HTRA3: variants seen among roughly 807,000 people sequenced by gnomAD.
HTRA3 encodes the protein HtrA serine peptidase 3.
HTRA3 carries 41 observed loss-of-function variants against 43.2 expected under a neutral mutation model. The observed-to-expected ratio is 0.95, with a 90% confidence interval of 0.74 to 1.23. HTRA3 has a LOEUF of 1.23. Among genes scored for constraint, HTRA3 ranks in the 50% most tolerant of loss-of-function variants. HTRA3 has a pLI of 0.00. For missense variants in HTRA3, 628 were observed against 647.1 expected, an observed-to-expected ratio of 0.97 and a Z score of 0.32; for synonymous variants, 295 against 287.9, an observed-to-expected ratio of 1.02 and a Z score of -0.25.
rs1196483645 is a variant in HTRA3 at position 8,292,284 on chromosome 4, G to C, written c.904-37G>C. The C allele has an allele frequency of 3.1e-6, 5 of 1,603,276 alleles. No homozygotes were observed. The African/African-American group carries it at 6.7e-5, about 21-fold the overall frequency. On this transcript the variant is annotated intron_variant, in intron 4 of 8. Transcript: ENST00000307358. ...AGGGGCTCCAGGAAGCCTCAGGCGGGGTCAGGCACAGCTAATGCTGTTTCC... is the reference window on the plus strand; with the variant it reads ...AGGGGCTCCAGGAAGCCTCAGGCGGCGTCAGGCACAGCTAATGCTGTTTCC...
chr4:8,295,914 C>G lies in HTRA3; in HGVS notation c.1051+1713C>G. 8.1e-7 allele frequency: 1 copy of G among 1,227,680 alleles called. No homozygotes were observed. The highest frequency in any genetic ancestry group is 1.0e-6 in the Non-Finnish European group (1 of 983,488). 76.0% of individuals were successfully genotyped at this position (1,227,680 alleles called of 1,614,324 possible). On this transcript the variant is annotated intron_variant, in intron 6 of 8. Transcript: ENST00000307358. The surrounding 1 kb of genome is among the most constrained non-coding windows in gnomAD (Gnocchi z 6.9). ...GCAGAGCCTGTCTTTCCCAAAGAAGCTGAAGTCTTCTTCTCTTGAACAGTG... is the reference window on the plus strand; with the variant it reads ...GCAGAGCCTGTCTTTCCCAAAGAAGGTGAAGTCTTCTTCTCTTGAACAGTG...
At position 8,295,148 on chromosome 4, in the gene HTRA3, C is replaced by T. The variant is rs1410645309; in HGVS notation, c.1051+947C>T. 6.6e-6 allele frequency among the ~76,000 whole-genome samples: 1 copy of T among 151,968 alleles called. No individual in the cohort carries two copies. Among genetic ancestry groups the T allele is most frequent in the East Asian group, 1.9e-4 (1 of 5,170 alleles). ...CCACTCATTCACCTGTCTACCTATC[C>T]ACCCATCCATCCATCCGTCTACCCA... On this transcript the variant is annotated intron_variant, in intron 6 of 8. Transcript: ENST00000307358. The surrounding 1 kb of genome is among the most constrained non-coding windows in gnomAD (Gnocchi z 6.9).
rs375422787 is a variant in HTRA3, at chr4:8,303,531, C to T, written c.1101-653C>T. 1.2e-3 allele frequency among the ~76,000 whole-genome samples: 179 copies of T among 152,324 alleles called. 1 individual carries two copies. Among genetic ancestry groups the T allele is most frequent in the African/African-American group, 4.0e-3 (167 of 41,568 alleles). ...CTGCATCGGGAGCCTAGGAAGAACT[C>T]GAGAATGCTCAAGTGACCATTTCCT... On this transcript the variant is annotated intron_variant, in intron 7 of 8. Coordinates refer to ENST00000307358, the MANE Select transcript of HTRA3 (RefSeq NM_053044.5).
intron 1 of HTRA3, 40 bp downstream of exon 1, chr4:8,270,393 C>T: frequency 5.8e-6 from 8 of 1,369,494 alleles, no homozygotes; most frequent in South Asian, 1.6e-5. Flanking sequence ...AAGCTTCTTT[C>T]TCTTGGGGAA....
intron 7 of HTRA3, among the ~76,000 whole-genome samples, chr4:8,303,245 C>T (rs1027896563): frequency 4.6e-5 from 7 of 152,234 alleles, no homozygotes; most frequent in Admixed American, 2.0e-4. Context: ...GCCTTGAACT[C>T]ATCCTGCTGT....
At chr4:8,275,208 G>C (rs879726791) in intron 1 of HTRA3, among the ~76,000 whole-genome samples, 1 of 152,174 alleles carries the variant, frequency 6.6e-6, no homozygotes, top group Non-Finnish European at 1.5e-5. Context: ...CCTTCCTGCC[G>C]GGGCTTGGCC....
chr4:8,287,548 GGAGA>G (rs144573043), intron 3 of HTRA3, among the ~76,000 whole-genome samples: 19 of 152,054 alleles, frequency 1.2e-4, no homozygotes, highest in Non-Finnish European at 2.4e-4. Flanking sequence ...TGGCAGAGCC[GGAGA>G]GAGAGAGAGT....
intron 6 of HTRA3, among the ~76,000 whole-genome samples, chr4:8,299,705 A>C (rs983992581): frequency 7.2e-5 from 11 of 152,176 alleles, no homozygotes; most frequent in African/African-American, 1.9e-4. Context: ...CTTTTTGTGC[A>C]TCTCTGGAGA....
chr4:8,302,659 C>A, intron 7 of HTRA3, 148 bp downstream of exon 7: 1 of 734,390 alleles, frequency 1.4e-6, no homozygotes, highest in Non-Finnish European at 2.5e-6. Flanking sequence ...TTGCTCAGGC[C>A]AGTCCTTTTG....
At position 8,294,064 on chromosome 4, in the gene HTRA3, C is replaced by T. The variant is rs751537598; in HGVS notation, c.937-23C>T. ...TTTGCCTGGGTTCCCCCAACTGATG[C>T]CTGCTCTTACCTCCCTGCCCAGGAT... On this transcript the variant is annotated intron_variant, in intron 5 of 8. Coordinates refer to ENST00000307358, the MANE Select transcript of HTRA3 (RefSeq NM_053044.5). 1.9e-5 allele frequency: 30 copies of T among 1,554,830 alleles called. No homozygotes were observed. In the East Asian group the frequency reaches 5.8e-4, roughly 30 times the overall value.
chr4:8,269,854 C>A lies in HTRA3; in HGVS notation c.-115C>A. 2.8e-6 allele frequency: 1 copy of A among 351,914 alleles called. No homozygotes were observed. The highest frequency in any genetic ancestry group is 4.0e-6 in the Non-Finnish European group (1 of 249,200). 21.8% of individuals were successfully genotyped at this position (351,914 alleles called of 1,614,324 possible). On this transcript the variant is annotated 5_prime_UTR_variant, in exon 1 of 9. Coordinates refer to ENST00000307358, the MANE Select transcript of HTRA3 (RefSeq NM_053044.5). ...TGAGCCACCGGCGCATGTGACCGCG[C>A]GTCCGCCCCAGTCCCATCCGTAGGC...
At chr4:8,280,154 C>T (rs1712686359) in intron 1 of HTRA3, among the ~76,000 whole-genome samples, 1 of 152,060 alleles carries the variant, frequency 6.6e-6, no homozygotes, top group African/African-American at 2.4e-5. Context: ...AGTTGGTGGC[C>T]CGACAAAGGC....
chr4:8,282,194 C>G (rs1712774788), intron 1 of HTRA3, among the ~76,000 whole-genome samples: 2 of 152,168 alleles, frequency 1.3e-5, no homozygotes, highest in Admixed American at 6.5e-5. Context: ...GGTGAGGAAG[C>G]CCAGCACGTG....
Position 8,275,475 on chromosome 4 carries a change from A to G in HTRA3, c.385+5122A>G, listed in dbSNP as rs1712481844. ...GACCCCTGTGAAACCCCCATCCTGC[A>G]TTGTGAGGGACCAATGACAATGCAT... is the stretch of plus-strand genomic sequence containing the variant. On this transcript the variant is annotated intron_variant, in intron 1 of 8. Transcript: ENST00000307358. Among the ~76,000 whole-genome samples the G allele has an allele frequency of 1.3e-5, 2 of 152,202 alleles. 1 individual carries two copies. Among genetic ancestry groups the G allele is most frequent in the African/African-American group, 4.8e-5 (2 of 41,438 alleles).
chr4:8,296,387 G>T lies in HTRA3; in HGVS notation c.1051+2186G>T. ...GAGCCTGATAAACCTTAGCTGCATG[G>T]CACACTTGCAATTTTAAAATCCTTC... On this transcript the variant is annotated intron_variant, in intron 6 of 8. Coordinates refer to ENST00000307358, the MANE Select transcript of HTRA3 (RefSeq NM_053044.5). This position sits in a 1 kb window ranked among gnomAD's most constrained non-coding sequence, Gnocchi z 5.3. 1.0e-6 allele frequency: 1 copy of T among 985,436 alleles called. No individual in the cohort carries two copies. Among genetic ancestry groups the T allele is most frequent in the Non-Finnish European group, 1.2e-6 (1 of 829,940 alleles). 61.0% of individuals were successfully genotyped at this position (985,436 alleles called of 1,614,324 possible).
At chr4:8,301,320 TTTATTA>T (rs976037364) in intron 6 of HTRA3, among the ~76,000 whole-genome samples, 5 of 151,762 alleles carry the variant, frequency 3.3e-5, no homozygotes, top group Non-Finnish European at 7.4e-5. Context: ...CACACTCATC[TTTATTA>T]TTGAGTCACA....
At position 8,295,134 on chromosome 4, in the gene HTRA3, C is replaced by T. The variant is rs1421891477; in HGVS notation, c.1051+933C>T. On this transcript the variant is annotated intron_variant, in intron 6 of 8. Transcript: ENST00000307358. This position sits in a 1 kb window ranked among gnomAD's most constrained non-coding sequence, Gnocchi z 6.9. ...ACCCATCCACCCACCCACTCATTCA[C>T]CTGTCTACCTATCCACCCATCCATC... Among the ~76,000 whole-genome samples the T allele has an allele frequency of 2.6e-5, 4 of 151,596 alleles. No homozygotes were observed. The highest frequency in any genetic ancestry group is 5.9e-5 in the Non-Finnish European group (4 of 67,870).
At chr4:8,290,336 G>A (rs893055000) in intron 3 of HTRA3, among the ~76,000 whole-genome samples, 2 of 152,242 alleles carry the variant, frequency 1.3e-5, no homozygotes, top group Non-Finnish European at 2.9e-5. Context: ...TATAATAAAA[G>A]GGAAGAGGAC....
chr4:8,288,947 CCTCT>C (rs1198599293), intron 3 of HTRA3, among the ~76,000 whole-genome samples: 6 of 118,176 alleles, frequency 5.1e-5, no homozygotes, highest in Admixed American at 2.5e-4. Context: ...CCTTCCTCCC[CCTCT>C]CTCTCTCTTT....
Sources: gnomAD v4.1 joint callset for allele counts (sites outside exome capture counted in the v4.1 genomes callset) on GRCh38, gnomAD v4.1.1 for gene constraint, Gnocchi (gnomAD v3.1) non-coding constraint, MANE v1.5 for transcripts, NCBI Gene and HGNC (gene_info 2026-07-23, HGNC 2026-07-21) for gene names.